QRFPR: variants seen among roughly 807,000 people sequenced by gnomAD.
QRFPR encodes pyroglutamylated RF-amide peptide receptor.
QRFPR carries 37 observed loss-of-function variants against 31.3 expected under a neutral mutation model. The ratio of observed to expected loss-of-function variants is 1.18; its 90% CI spans 0.91 to 1.56. QRFPR has a LOEUF of 1.56. Among genes scored for constraint, QRFPR ranks in the 40% most tolerant of loss-of-function variants. The pLI, the probability that QRFPR is intolerant of heterozygous loss-of-function variation, is 0.00. For synonymous variants in QRFPR, 197 were observed against 192.0 expected, an observed-to-expected ratio of 1.03 and a Z score of -0.22; for missense variants, 542 against 532.5, an observed-to-expected ratio of 1.02 and a Z score of -0.18.
intron 1 of QRFPR, among the ~76,000 whole-genome samples, chr4:121,357,187 A>G (rs1047009725): frequency 7.2e-5 from 11 of 152,058 alleles, no homozygotes; most frequent in African/African-American, 2.7e-4. Flanking sequence ...TAGAGGCTCT[A>G]GGGGAGAATT....
intron 1 of QRFPR, among the ~76,000 whole-genome samples, chr4:121,359,697 G>T (rs1191947726): frequency 2.0e-5 from 3 of 151,026 alleles, no homozygotes; most frequent in African/African-American, 7.3e-5. Context: ...GTGTATATAT[G>T]TGTGTATGTG....
intron 1 of QRFPR, among the ~76,000 whole-genome samples, chr4:121,348,876 T>C (rs866934534): frequency 6.6e-6 from 1 of 152,034 alleles, no homozygotes; most frequent in African/African-American, 2.4e-5. Flanking sequence ...GGCGGGCTGA[T>C]CATGAGGTCA....
intron 1 of QRFPR, among the ~76,000 whole-genome samples, chr4:121,351,608 T>C (rs988234895): frequency 6.6e-5 from 10 of 152,124 alleles, no homozygotes; most frequent in African/African-American, 2.2e-4. Context: ...GTTTATAATG[T>C]TAAAATAACC....
rs150800839 is a variant in QRFPR at position 121,362,099 on chromosome 4, G to A, written c.340+18209C>T. On this transcript the variant is annotated intron_variant, in intron 1 of 5. Transcript: ENST00000394427. ...ATGTTGAAAGATGTGTGAAAGCCATGCAGAGCCCACACAGCTCAGTATATA... is the reference window on the plus strand; with the variant it reads ...ATGTTGAAAGATGTGTGAAAGCCATACAGAGCCCACACAGCTCAGTATATA... Among the ~76,000 whole-genome samples the A allele has an allele frequency of 5.8e-3, 877 of 150,206 alleles. 51 individuals carry two copies. The highest frequency in any genetic ancestry group is 0.014 in the Middle Eastern group (4 of 292).
chr4:121,360,866 C>T (rs946228508), intron 1 of QRFPR, among the ~76,000 whole-genome samples: 5 of 152,176 alleles, frequency 3.3e-5, no homozygotes, highest in Non-Finnish European at 7.4e-5. Context: ...GCATACAGAA[C>T]TATTCACATT....
chr4:121,330,556 C>G, intron 4 of QRFPR, 33 bp from the exon 5 acceptor site: 1 of 1,534,686 alleles, frequency 6.5e-7, no homozygotes. Context: ...TATTAGTTAA[C>G]TTCTCCTTGG....
At chr4:121,372,787 A>T (rs1325852737) in intron 1 of QRFPR, among the ~76,000 whole-genome samples, 1 of 152,170 alleles carries the variant, frequency 6.6e-6, no homozygotes, top group Non-Finnish European at 1.5e-5. Context: ...GTGATATTCC[A>T]CTGTGTGTAT....
At chr4:121,330,367 G>T in intron 5 of QRFPR, 59 bp downstream of exon 5, 1 of 1,148,336 alleles carries the variant, frequency 8.7e-7, no homozygotes, top group Non-Finnish European at 1.3e-6. Context: ...AAGATTCATT[G>T]TCTATTCTAG....
At chr4:121,344,245 T>C (rs1261603318) in intron 1 of QRFPR, among the ~76,000 whole-genome samples, 1 of 152,236 alleles carries the variant, frequency 6.6e-6, no homozygotes, top group African/African-American at 2.4e-5. Context: ...CAGCTATTTA[T>C]TGACAGAATG....
At chr4:121,370,731 T>C (rs566595243) in intron 1 of QRFPR, among the ~76,000 whole-genome samples, 1 of 152,328 alleles carries the variant, frequency 6.6e-6, no homozygotes, top group African/African-American at 2.4e-5. Context: ...CATATTTTCA[T>C]ACATGTATTA....
At chr4:121,332,171 T>A (rs1392804477) in intron 4 of QRFPR, among the ~76,000 whole-genome samples, 2 of 152,192 alleles carry the variant, frequency 1.3e-5, no homozygotes, top group Non-Finnish European at 2.9e-5. Flanking sequence ...TTAAGGCTTT[T>A]TTTTGCTTTG....
At chr4:121,331,461 G>C (rs1287478099) in intron 4 of QRFPR, among the ~76,000 whole-genome samples, 2 of 151,166 alleles carry the variant, frequency 1.3e-5, no homozygotes, top group Non-Finnish European at 2.9e-5. Flanking sequence ...TGGGATTCCA[G>C]GTGTGAGCCA....
At chr4:121,349,341 A>C (rs1725720853) in intron 1 of QRFPR, among the ~76,000 whole-genome samples, 1 of 151,978 alleles carries the variant, frequency 6.6e-6, no homozygotes, top group Admixed American at 6.6e-5. Context: ...TGTTGATCAG[A>C]TATTGGAATT....
chr4:121,358,993 A>G (rs1725927341), intron 1 of QRFPR, among the ~76,000 whole-genome samples: 1 of 152,182 alleles, frequency 6.6e-6, no homozygotes, highest in South Asian at 2.1e-4. Flanking sequence ...GGTCATGTGT[A>G]TATCCAGTAA....
At chr4:121,378,247 G>C (rs1726394137) in intron 1 of QRFPR, among the ~76,000 whole-genome samples, 1 of 152,080 alleles carries the variant, frequency 6.6e-6, no homozygotes, top group African/African-American at 2.4e-5. Flanking sequence ...AGAAGCTAAA[G>C]TGAAATGTTC....
At chr4:121,380,186 G>GGAGAGAGGA in intron 1 of QRFPR, 122 bp downstream of exon 1, 3 of 234,844 alleles carry the variant, frequency 1.3e-5, no homozygotes, top group Non-Finnish European at 1.5e-5. Flanking sequence ...AGACGAGAGA[G>GGAGAGAGGA]GAGAGAGAGA....
chr4:121,349,617 C>T (rs948802062), intron 1 of QRFPR, among the ~76,000 whole-genome samples: 3 of 152,156 alleles, frequency 2.0e-5, no homozygotes, highest in African/African-American at 7.2e-5. Flanking sequence ...TCATAAACCC[C>T]TTCCTGAAAA....
intron 1 of QRFPR, among the ~76,000 whole-genome samples, chr4:121,377,925 T>G (rs1038098973): frequency 2.6e-5 from 4 of 152,220 alleles, no homozygotes; most frequent in African/African-American, 4.8e-5. Flanking sequence ...AATTTTGCCA[T>G]GATTATCCTG....
chr4:121,332,818 G>A lies in QRFPR; in HGVS notation c.797+3C>T. 1.2e-6 allele frequency: 2 copies of A among 1,600,720 alleles called. No individual in the cohort carries two copies. The highest frequency in any genetic ancestry group is 8.6e-7 in the Non-Finnish European group (1 of 1,167,942). On this transcript the variant is annotated splice_donor_region_variant and intron_variant, in intron 4 of 5. Coordinates refer to ENST00000394427, the MANE Select transcript of QRFPR (RefSeq NM_198179.3). The stretch of plus-strand genomic sequence containing the variant: ...AAAGAGGTGAATATTTCATTAAACA[G>A]ACCTGGCTATTTTGGACATTTCTTT...
Sources: allele counts gnomAD v4.1 joint callset (sites outside exome capture counted in the v4.1 genomes callset), GRCh38; gene constraint gnomAD v4.1.1; transcripts MANE v1.5; gene names NCBI Gene and HGNC (gene_info 2026-07-23, HGNC 2026-07-21).